Variants in KCNK10 observed in about 807,000 individuals in gnomAD.
KCNK10 encodes the protein potassium two pore domain channel subfamily K member 10.
KCNK10 carries 25 observed loss-of-function variants against 47.7 expected under a neutral mutation model. That is an observed-to-expected ratio of 0.52 (90% confidence interval 0.38 to 0.73). The LOEUF is 0.73. Among genes scored for constraint, KCNK10 ranks in the 30% least tolerant of loss-of-function variants. KCNK10 has a pLI of 0.00. For missense variants in KCNK10, 563 were observed against 714.5 expected, an observed-to-expected ratio of 0.79 and a Z score of 2.42; for synonymous variants, 303 against 285.6, an observed-to-expected ratio of 1.06 and a Z score of -0.61.
chr14:88,317,999 C>A (rs1276461428), intron 1 of KCNK10, among the ~76,000 whole-genome samples: 1 of 152,194 alleles, frequency 6.6e-6, no homozygotes, highest in East Asian at 1.9e-4. Flanking sequence ...CTTCAGCAGG[C>A]TAGATCAGTC....
chr14:88,192,184 C>G (rs992515456), intron 5 of KCNK10, 40 bp downstream of exon 5: 2 of 1,546,024 alleles, frequency 1.3e-6, no homozygotes, highest in Non-Finnish European at 1.7e-6. Context: ...ATTATTTTTC[C>G]CGCCAGAGCC....
chr14:88,256,396 G>T (rs1886956147), intron 2 of KCNK10, among the ~76,000 whole-genome samples: 1 of 152,154 alleles, frequency 6.6e-6, no homozygotes, highest in African/African-American at 2.4e-5. Context: ...CTCTGAAACT[G>T]TGCCTCAAAC....
chr14:88,281,726 C>CT, intron 1 of KCNK10, among the ~76,000 whole-genome samples: 1 of 90,670 alleles, frequency 1.1e-5, no homozygotes, highest in African/African-American at 3.9e-5. Flanking sequence ...CTCTCTCTCT[C>CT]CATATATATA....
At position 88,239,731 on chromosome 14, in the gene KCNK10, C is replaced by T. The variant is rs536483987; in HGVS notation, c.520+972G>A. Among the ~76,000 whole-genome samples, 31 of 151,908 alleles carry T rather than the reference C, an allele frequency of 2.0e-4. No homozygotes were observed. The South Asian group carries it at 4.6e-3, about 22-fold the overall frequency. On this transcript the variant is annotated intron_variant, in intron 3 of 6. Coordinates refer to ENST00000319231, the MANE Select transcript of KCNK10 (RefSeq NM_138317.3). Reference sequence around the variant, plus strand: ...AAAATTAGCTAGGCATGGTGGTGGGCGCCTGTAATCCCAGCTACTCAGGAG... The same window carrying T: ...AAAATTAGCTAGGCATGGTGGTGGGTGCCTGTAATCCCAGCTACTCAGGAG...
chr14:88,248,692 T>G (rs1886708649), intron 2 of KCNK10, among the ~76,000 whole-genome samples: 1 of 151,888 alleles, frequency 6.6e-6, no homozygotes, highest in African/African-American at 2.4e-5. Context: ...TCGTGCTACT[T>G]TACTCCAGCC....
At chr14:88,310,522 G>A (rs1318176011) in intron 1 of KCNK10, among the ~76,000 whole-genome samples, 1 of 152,034 alleles carries the variant, frequency 6.6e-6, no homozygotes, top group East Asian at 1.9e-4. Flanking sequence ...GACTTTATAG[G>A]GCTCCTCAAA....
intron 2 of KCNK10, among the ~76,000 whole-genome samples, chr14:88,253,453 G>T (rs1433433635): frequency 6.6e-6 from 1 of 152,002 alleles, no homozygotes; most frequent in African/African-American, 2.4e-5. Context: ...ATACATTGTA[G>T]GTATGGAAAC....
At chr14:88,204,008 G>A (rs181913457) in intron 4 of KCNK10, among the ~76,000 whole-genome samples, 1 of 152,226 alleles carries the variant, frequency 6.6e-6, no homozygotes, top group Non-Finnish European at 1.5e-5. Flanking sequence ...GATTATCAAC[G>A]TGTTAGTGGT....
rs1201009035 is a variant in KCNK10, at chr14:88,322,587, C to T, written c.52+160G>A. Among the ~76,000 whole-genome samples, 1 of 152,204 alleles carries T rather than the reference C, an allele frequency of 6.6e-6. No homozygotes were observed. Among genetic ancestry groups the T allele is most frequent in the Non-Finnish European group, 1.5e-5 (1 of 68,046 alleles). On this transcript the variant is annotated intron_variant, in intron 1 of 6. Coordinates refer to ENST00000319231, the MANE Select transcript of KCNK10 (RefSeq NM_138317.3). The surrounding 1 kb of genome is among the most constrained non-coding windows in gnomAD (Gnocchi z 4.8). ...AGGCACTATCTGGGTTCGGAACCCA[C>T]GCTGCCTCCGCCCTCCTCCCACCCG...
chr14:88,321,446 C>T (rs934738269), intron 1 of KCNK10, among the ~76,000 whole-genome samples: 1 of 152,186 alleles, frequency 6.6e-6, no homozygotes, highest in Non-Finnish European at 1.5e-5. Context: ...CAAGTCAGAG[C>T]TTTTATCTTT....
chr14:88,258,676 TG>T lies in KCNK10; in HGVS notation c.402+4525del, dbSNP rs530506677. The stretch of plus-strand genomic sequence containing the variant: ...GCAATTCTGAGAACAAGTGGATGGA[TG>T]GATAGATGAATGAATGACTAAATGA... On this transcript the variant is annotated intron_variant, in intron 2 of 6. Transcript: ENST00000319231. Among the ~76,000 whole-genome samples the T allele has an allele frequency of 1.7e-3, 260 of 152,272 alleles. 2 individuals are homozygous for T. The Middle Eastern group carries it at 0.017, about 10-fold the overall frequency.
chr14:88,263,131 C>A, intron 2 of KCNK10, 71 bp downstream of exon 2: 1 of 1,265,712 alleles, frequency 7.9e-7, no homozygotes, highest in Non-Finnish European at 1.1e-6. Flanking sequence ...AGACTAGAGA[C>A]CCAGAAAGAT....
intron 1 of KCNK10, among the ~76,000 whole-genome samples, chr14:88,279,415 A>G: frequency 7.0e-6 from 1 of 142,050 alleles, no homozygotes; most frequent in Admixed American, 7.0e-5. Flanking sequence ...GTGTGTTACA[A>G]TGCACATAAC....
Position 88,286,795 on chromosome 14 carries a change from G to GC in KCNK10, c.53-23245dup, listed in dbSNP as rs570181128. ...ACCACGAGAACAGTATGGGGGAACC[G>GC]CCCCCATGATTCAGTTACTTCCCAC... is the stretch of plus-strand genomic sequence containing the variant. On this transcript the variant is annotated intron_variant, in intron 1 of 6. Transcript: ENST00000319231. 1.5e-3 allele frequency among the ~76,000 whole-genome samples: 232 copies of GC among 152,100 alleles called. 1 individual carries two copies. The highest frequency in any genetic ancestry group is 5.3e-3 in the African/African-American group (218 of 41,508).
At chr14:88,252,999 A>G (rs1886842482) in intron 2 of KCNK10, among the ~76,000 whole-genome samples, 1 of 152,108 alleles carries the variant, frequency 6.6e-6, no homozygotes, top group African/African-American at 2.4e-5. Flanking sequence ...CGATTAAGAG[A>G]GCGTGGCCTC....
chr14:88,313,747 C>T (rs1167813934), intron 1 of KCNK10, among the ~76,000 whole-genome samples: 3 of 152,160 alleles, frequency 2.0e-5, no homozygotes, highest in Non-Finnish European at 2.9e-5. Context: ...ATTATTGATC[C>T]ACAGAACTTA....
intron 5 of KCNK10, among the ~76,000 whole-genome samples, chr14:88,190,400 A>T (rs781557942): frequency 1.3e-5 from 2 of 152,204 alleles, no homozygotes; most frequent in Admixed American, 1.3e-4. Context: ...AACACCACTG[A>T]GTTTTCCCAC....
At chr14:88,277,531 C>G (rs1887551040) in intron 1 of KCNK10, among the ~76,000 whole-genome samples, 1 of 152,152 alleles carries the variant, frequency 6.6e-6, no homozygotes, top group South Asian at 2.1e-4. Flanking sequence ...GCTAGGGAGA[C>G]AGCAATGTAG....
intron 1 of KCNK10, among the ~76,000 whole-genome samples, chr14:88,286,470 G>A (rs1268313903): frequency 6.6e-6 from 1 of 152,102 alleles, no homozygotes; most frequent in Non-Finnish European, 1.5e-5. Flanking sequence ...CAGAACCCAA[G>A]CATCCTGCAC....
Sources: gnomAD v4.1 joint callset for allele counts (sites outside exome capture counted in the v4.1 genomes callset) on GRCh38, gnomAD v4.1.1 for gene constraint, Gnocchi (gnomAD v3.1) non-coding constraint, MANE v1.5 for transcripts, NCBI Gene and HGNC (gene_info 2026-07-23, HGNC 2026-07-21) for gene names.